The following FAM13C variants were observed in gnomAD, a reference collection of about 807,000 sequenced individuals.
The protein encoded by FAM13C is protein FAM13C.
In FAM13C, 37 loss-of-function variants were observed where a neutral mutation model predicts 73.2. The observed-to-expected ratio is 0.51, with a 90% CI of 0.39 to 0.67. FAM13C has a LOEUF of 0.67. Ranked by LOEUF, FAM13C falls within the 30% of genes least tolerant of loss-of-function variation. The probability of loss-of-function intolerance (pLI) is 0.00; values close to 1 mark genes in which losing one functional copy is unlikely to be tolerated. For synonymous variants in FAM13C, 246 were observed against 260.9 expected (o/e 0.94, Z 0.55); for missense variants, 589 against 715.6 (o/e 0.82, Z 2.02).
Position 59,352,326 on chromosome 10 carries a change from T to A in FAM13C, c.268A>T (p.Arg90Trp). Residue 90 changes from arginine (R) to tryptophan (W), a missense_variant, in exon 3 of 14, where the codon AGG becomes TGG. Transcript: ENST00000618804. Reference sequence around the variant, plus strand: ...GCTTTGAAGATGGACTTGGGCTTCCTGGACTTGAAGTTGCCCATGCTGGGT... The same window carrying A: ...GCTTTGAAGATGGACTTGGGCTTCCAGGACTTGAAGTTGCCCATGCTGGGT... ...LRPSMGNFKS[R>W]KPKSIFKAES... The A allele has an allele frequency of 1.2e-6, 2 of 1,614,198 alleles. No individual in the cohort carries two copies. The highest frequency in any genetic ancestry group is 2.7e-5 in the African/African-American group (2 of 75,056).
intron 3 of FAM13C, among the ~76,000 whole-genome samples, chr10:59,341,552 G>C (rs531580966): frequency 6.6e-6 from 1 of 152,236 alleles, no homozygotes; most frequent in African/African-American, 2.4e-5. Context: ...AGCTGGGCAT[G>C]GTGGTGCATG....
chr10:59,305,057 T>C (rs1848108606), intron 4 of FAM13C, among the ~76,000 whole-genome samples: 1 of 152,172 alleles, frequency 6.6e-6, no homozygotes, highest in Admixed American at 6.5e-5. Flanking sequence ...GTGACCATTA[T>C]TGTGAGCCAA....
intron 4 of FAM13C, among the ~76,000 whole-genome samples, chr10:59,312,505 C>T (rs775689191): frequency 2.0e-5 from 3 of 152,126 alleles, no homozygotes; most frequent in Non-Finnish European, 4.4e-5. Context: ...GTGTACAACA[C>T]ACAGTACCCA....
chr10:59,344,857 C>T (rs924037122), intron 3 of FAM13C, among the ~76,000 whole-genome samples: 60 of 152,200 alleles, frequency 3.9e-4, no homozygotes, highest in African/African-American at 1.4e-3. Context: ...AAGGAAACTT[C>T]TCCACAGTAG....
chr10:59,266,837 T>G (rs1312096799), intron 8 of FAM13C, among the ~76,000 whole-genome samples: 1 of 152,198 alleles, frequency 6.6e-6, no homozygotes, highest in Admixed American at 6.5e-5. Flanking sequence ...TGTACAATTT[T>G]CCTTTATTTT....
intron 6 of FAM13C, among the ~76,000 whole-genome samples, chr10:59,280,818 A>G (rs1844842237): frequency 2.6e-5 from 4 of 152,262 alleles, no homozygotes; most frequent in African/African-American, 9.6e-5. Context: ...GATCTTGGCA[A>G]CCCATAAACC....
intron 4 of FAM13C, among the ~76,000 whole-genome samples, chr10:59,303,711 A>T (rs908768888): frequency 6.6e-6 from 1 of 152,070 alleles, no homozygotes; most frequent in Non-Finnish European, 1.5e-5. Flanking sequence ...GGGTCATGGG[A>T]TCTGTGACAG....
intron 3 of FAM13C, 62 bp from the exon 4 acceptor site, chr10:59,324,168 T>A: frequency 6.0e-6 from 8 of 1,332,994 alleles, no homozygotes; most frequent in South Asian, 1.3e-5. Flanking sequence ...ATAGCATTAT[T>A]ATGCTGGAAG....
At chr10:59,285,519 A>C (rs755048598) in intron 5 of FAM13C, among the ~76,000 whole-genome samples, 21 of 152,242 alleles carry the variant, frequency 1.4e-4, no homozygotes, top group Admixed American at 5.9e-4. Context: ...TGCTGCCACT[A>C]TGCAAAACAG....
intron 4 of FAM13C, 111 bp downstream of exon 4, chr10:59,323,877 A>AT: frequency 2.2e-6 from 2 of 922,194 alleles, no homozygotes; most frequent in Non-Finnish European, 3.6e-6. Context: ...ACTATAAGGA[A>AT]TGCCAGCAAA....
chr10:59,259,978 T>A lies in FAM13C; in HGVS notation c.1236+2456A>T, dbSNP rs374202959. 2.2e-4 allele frequency among the ~76,000 whole-genome samples: 34 copies of A among 152,156 alleles called. 1 individual carries two copies. The South Asian group carries it at 7.1e-3, about 32-fold the overall frequency. On this transcript the variant is annotated intron_variant, in intron 10 of 13. Transcript: ENST00000618804. Reference sequence around the variant, plus strand: ...CCTGAAAGATACTAAATGTAATATATCCCAAACTGACCGTTTATGTTTTTA... The same window carrying A: ...CCTGAAAGATACTAAATGTAATATAACCCAAACTGACCGTTTATGTTTTTA...
rs181867432 is a variant in FAM13C at position 59,339,080 on chromosome 10, C to A, written c.324+13190G>T. 1.7e-4 allele frequency among the ~76,000 whole-genome samples: 26 copies of A among 152,228 alleles called. No homozygotes were observed. The East Asian group carries it at 5.0e-3, about 29-fold the overall frequency. On this transcript the variant is annotated intron_variant, in intron 3 of 13. Coordinates refer to ENST00000618804, the MANE Select transcript of FAM13C (RefSeq NM_198215.4). ...CACTCCTTGGCTTCTGGCATCATCA[C>A]TCCAGCCTCCGCCCCCATCCTTACA... is the stretch of plus-strand genomic sequence containing the variant.
chr10:59,253,054 G>A, intron 11 of FAM13C, 56 bp from the exon 12 acceptor site: 1 of 1,564,346 alleles, frequency 6.4e-7, no homozygotes, highest in Middle Eastern at 2.3e-4. Context: ...TGCCTCTTGA[G>A]GAAACAAAAA....
chr10:59,264,667 A>G (rs551584998), intron 8 of FAM13C, among the ~76,000 whole-genome samples: 11 of 152,310 alleles, frequency 7.2e-5, no homozygotes, highest in African/African-American at 2.4e-4. Flanking sequence ...TTTAGCTCTT[A>G]TCAGTTATAT....
intron 2 of FAM13C, among the ~76,000 whole-genome samples, chr10:59,353,901 T>G (rs866535668): frequency 1.3e-5 from 2 of 152,230 alleles, no homozygotes; most frequent in African/African-American, 2.4e-5. Context: ...ATATTCTAGC[T>G]GTGAGATCAT....
chr10:59,253,315 C>T (rs1334502962), intron 11 of FAM13C, among the ~76,000 whole-genome samples: 1 of 152,210 alleles, frequency 6.6e-6, no homozygotes, highest in South Asian at 2.1e-4. Context: ...CAAGTGGTTC[C>T]TCCCTTTCAC....
chr10:59,343,253 G>GA (rs1435847496), intron 3 of FAM13C, among the ~76,000 whole-genome samples: 2 of 152,142 alleles, frequency 1.3e-5, no homozygotes, highest in African/African-American at 4.8e-5. Context: ...TCACTGAAGG[G>GA]ATGCTTCTAC....
chr10:59,355,729 A>T (rs1232650186), intron 2 of FAM13C, among the ~76,000 whole-genome samples, 158 bp downstream of exon 2: 1 of 152,228 alleles, frequency 6.6e-6, no homozygotes, highest in Non-Finnish European at 1.5e-5. Context: ...AGCGGAAAAG[A>T]CAAAAATTTT....
intron 1 of FAM13C, among the ~76,000 whole-genome samples, chr10:59,356,361 T>C (rs1360853456): frequency 6.6e-6 from 1 of 152,186 alleles, no homozygotes; most frequent in Admixed American, 6.5e-5. Context: ...TTTAGTTTAC[T>C]CTATTGGTCT....
Sources: allele counts gnomAD v4.1 joint callset (sites outside exome capture counted in the v4.1 genomes callset), GRCh38; gene constraint gnomAD v4.1.1; transcripts MANE v1.5; gene names NCBI Gene and HGNC (gene_info 2026-07-23, HGNC 2026-07-21).